ZNF846: variants seen among roughly 807,000 people sequenced by gnomAD.
The protein encoded by ZNF846 is zinc finger protein 420 pseudogene.
ZNF846 carries 15 observed loss-of-function variants against 16.0 expected under a neutral mutation model. That is an observed-to-expected ratio of 0.94 (90% CI 0.63 to 1.45). The LOEUF (loss-of-function observed/expected upper bound fraction) is 1.45, where lower values mean the gene tolerates loss of function less well. Ranked by LOEUF, ZNF846 falls within the 40% of genes most tolerant of loss-of-function variation. The pLI is 0.00. For missense variants in ZNF846, 714 were observed against 622.3 expected (o/e 1.15, Z -1.57); for synonymous variants, 229 against 212.0 (o/e 1.08, Z -0.70).
At chr19:9,769,934 C>T (rs1051328990), upstream of ZNF846, among the ~76,000 whole-genome samples, 2 of 148,166 alleles carry the variant, frequency 1.3e-5, no homozygotes, top group African/African-American at 5.0e-5. Flanking sequence ...TGAGCTGATA[C>T]GATGCCACAG....
At chr19:9,754,681 T>A (rs78939170), downstream of ZNF846, among the ~76,000 whole-genome samples, 18,387 of 150,890 alleles carry the variant, frequency 0.12, 1,459 homozygotes, top group Admixed American at 0.23. Context: ...ACCCTTCATA[T>A]AATTACCAAT....
downstream of ZNF846, chr19:9,756,365 A>ATC (rs2045136734): frequency 7.4e-6 from 1 of 135,312 alleles, no homozygotes. Context: ...ATATATATAT[A>ATC]TATATATATA....
intron 1 of ZNF846, among the ~76,000 whole-genome samples, chr19:9,775,715 A>T (rs2045433791): frequency 6.6e-6 from 1 of 152,296 alleles, no homozygotes; most frequent in East Asian, 1.9e-4. Context: ...ACAAGGCAGC[A>T]GTAGCTCACT....
chr19:9,750,764 T>C (rs1247170815), downstream of ZNF846, among the ~76,000 whole-genome samples: 2 of 152,208 alleles, frequency 1.3e-5, no homozygotes, highest in Non-Finnish European at 2.9e-5. Context: ...CACACCATTC[T>C]GCAGCCTCTC....
At chr19:9,785,565 A>G (rs2045550270) in intron 1 of ZNF846, among the ~76,000 whole-genome samples, 1 of 58,206 alleles carries the variant, frequency 1.7e-5, no homozygotes, top group Non-Finnish European at 3.2e-5. Context: ...CCCTGTCTCA[A>G]CCAAGACCGA....
intron 1 of ZNF846, among the ~76,000 whole-genome samples, chr19:9,775,163 A>AAATATATATACATATATATGTG (rs1340953350): frequency 6.6e-6 from 1 of 150,682 alleles, no homozygotes; most frequent in East Asian, 1.9e-4. Flanking sequence ...AAGATGTTTT[A>AAATATATATACATATATATGTG]AATATATATA....
chr19:9,757,919 T>C, exon 6 of ZNF846: 1 of 1,613,586 alleles, frequency 6.2e-7, no homozygotes, highest in Non-Finnish European at 8.5e-7. Context: ...CAGTATGTGT[T>C]CTCATGTGTA....
upstream of ZNF846, among the ~76,000 whole-genome samples, chr19:9,772,940 A>G (rs1339805492): frequency 2.6e-5 from 4 of 151,934 alleles, no homozygotes; most frequent in African/African-American, 9.7e-5. Flanking sequence ...GTCGTGTGTG[A>G]TCTCAGCTAC....
At chr19:9,774,858 T>A in intron 1 of ZNF846, 1 of 1,610,244 alleles carries the variant, frequency 6.2e-7, no homozygotes, top group East Asian at 2.2e-5. Context: ...GAGCACCCGC[T>A]TCGGGCTGAC....
downstream of ZNF846, chr19:9,756,668 A>G (rs1176179054): frequency 1.3e-5 from 2 of 151,476 alleles, no homozygotes; most frequent in Non-Finnish European, 2.9e-5. Flanking sequence ...TTGAGTTATT[A>G]AAAGGCATAA....
chr19:9,753,143 A>G (rs562851347), downstream of ZNF846, among the ~76,000 whole-genome samples: 2 of 151,808 alleles, frequency 1.3e-5, no homozygotes, highest in Non-Finnish European at 2.9e-5. Context: ...TGACTTCATC[A>G]TGTCCCAAAA....
At chr19:9,770,342 C>T (rs942943452), upstream of ZNF846, among the ~76,000 whole-genome samples, 3 of 140,766 alleles carry the variant, frequency 2.1e-5, no homozygotes, top group East Asian at 4.6e-4. Flanking sequence ...ATATAAAACA[C>T]GTGGTGTTTG....
intron 2 of ZNF846, 56 bp from the exon 3 acceptor site, chr19:9,763,464 G>C (rs1268470014): frequency 3.3e-6 from 5 of 1,510,080 alleles, no homozygotes; most frequent in Middle Eastern, 1.8e-4. Context: ...TTGATGTTCT[G>C]AGAAAAATGC....
At chr19:9,767,925 C>G (rs1428015469) in intron 1 of ZNF846, among the ~76,000 whole-genome samples, 2 of 152,144 alleles carry the variant, frequency 1.3e-5, no homozygotes, top group Non-Finnish European at 2.9e-5. Context: ...AAGAGCGAAA[C>G]TCCGTCTCAA....
intron 3 of ZNF846, 55 bp from the exon 4 acceptor site, chr19:9,762,223 C>T (rs1023775500): frequency 8.1e-6 from 11 of 1,356,744 alleles, no homozygotes; most frequent in Non-Finnish European, 9.4e-6. Flanking sequence ...ACACCATGTC[C>T]TTCAATGGGG....
At chr19:9,752,436 C>T (rs931039709) in exon 6 of ZNF846, 36 of 416,954 alleles carry the variant, frequency 8.6e-5, no homozygotes, top group Middle Eastern at 7.6e-4. Flanking sequence ...GATGAAACTT[C>T]GTCTCTACAA....
chr19:9,778,394 G>A (rs754020396), intron 1 of ZNF846, among the ~76,000 whole-genome samples: 17 of 152,152 alleles, frequency 1.1e-4, no homozygotes, highest in South Asian at 2.1e-4. Context: ...AACCAAAAAT[G>A]TCTCCAGACA....
At chr19:9,766,541 A>G (rs2045318574) in intron 1 of ZNF846, among the ~76,000 whole-genome samples, 1 of 152,076 alleles carries the variant, frequency 6.6e-6, no homozygotes, top group African/African-American at 2.4e-5. Context: ...AGCCTGGCAC[A>G]CGTATGCATG....
At chr19:9,750,580 C>A (rs1410312154), downstream of ZNF846, among the ~76,000 whole-genome samples, 3 of 152,190 alleles carry the variant, frequency 2.0e-5, no homozygotes, top group African/African-American at 7.2e-5. Flanking sequence ...GTACTCTAGT[C>A]TTCCTTACCC....
Sources: gnomAD v4.1 joint callset for allele counts (sites outside exome capture counted in the v4.1 genomes callset) on GRCh38, gnomAD v4.1.1 for gene constraint, MANE v1.5 for transcripts, NCBI Gene and HGNC (gene_info 2026-07-23, HGNC 2026-07-21) for gene names.